Variants in DHX8 observed in about 807,000 individuals in gnomAD.
The protein encoded by DHX8 is ATP-dependent RNA helicase DHX8.
DHX8 carries 67 observed loss-of-function variants against 140.7 expected under a neutral mutation model. That is an observed-to-expected ratio of 0.48 (90% CI 0.39 to 0.58). The LOEUF is 0.58. Ranked by LOEUF, DHX8 falls within the 20% of genes least tolerant of loss-of-function variation. DHX8 has a pLI of 0.00. For missense variants in DHX8, 887 were observed against 1,550.7 expected (o/e 0.57, Z 7.19); for synonymous variants, 533 against 553.2 (o/e 0.96, Z 0.51).
chr17:43,491,543 C>G (rs1320811135), intron 4 of DHX8, among the ~76,000 whole-genome samples: 1 of 149,756 alleles, frequency 6.7e-6, no homozygotes, highest in South Asian at 2.1e-4. Flanking sequence ...TTTTTTTGCT[C>G]TGTTACTTGT....
chr17:43,495,856 T>G (rs916110138), intron 8 of DHX8, among the ~76,000 whole-genome samples: 5 of 152,124 alleles, frequency 3.3e-5, no homozygotes, highest in Non-Finnish European at 7.4e-5. Flanking sequence ...CTCAGCACTT[T>G]GGGAGGCCAA....
In DHX8 at chr17:43,536,976, G is replaced by A. The variant is rs371442036; in HGVS notation, c.*20+478G>A. On this transcript the variant is annotated intron_variant, in intron 3 of 3. Transcript: ENST00000589898. ...CATTTTTCTGAAGTGAAACAGCCTC[G>A]CCCCTCAGAGTTTACAAAACTCCCT... 6.6e-5 allele frequency among the ~76,000 whole-genome samples: 10 copies of A among 152,192 alleles called. No individual in the cohort carries two copies. In the East Asian group the frequency reaches 7.7e-4, roughly 12 times the overall value.
At chr17:43,532,735 G>A in intron 2 of DHX8, 1 of 1,613,986 alleles carries the variant, frequency 6.2e-7, no homozygotes, top group Non-Finnish European at 8.5e-7. Context: ...CTGGGTACCT[G>A]TGCCCATTGA....
At chr17:43,521,693 T>G in intron 21 of DHX8, 128 bp downstream of exon 21, 1 of 873,490 alleles carries the variant, frequency 1.1e-6, no homozygotes, top group Non-Finnish European at 1.8e-6. Context: ...ACCCTTTTCC[T>G]CCAGCTTTTC....
intron 11 of DHX8, among the ~76,000 whole-genome samples, chr17:43,503,379 C>A (rs1305409866): frequency 6.6e-6 from 1 of 152,068 alleles, no homozygotes; most frequent in African/African-American, 2.4e-5. Context: ...CACCTGTAAT[C>A]CCAGCTGCTA....
intron 8 of DHX8, among the ~76,000 whole-genome samples, chr17:43,495,474 G>T (rs969768284): frequency 6.6e-6 from 1 of 152,018 alleles, no homozygotes; most frequent in African/African-American, 2.4e-5. Flanking sequence ...AGACAGTCTT[G>T]CCGTGTTACC....
chr17:43,505,799 C>T (rs1048463229), intron 12 of DHX8, among the ~76,000 whole-genome samples: 2 of 151,930 alleles, frequency 1.3e-5, no homozygotes, highest in Admixed American at 6.6e-5. Context: ...TTAAGACCAC[C>T]GAGTCTTCCT....
intron 19 of DHX8, 134 bp downstream of exon 19, chr17:43,520,401 C>A: frequency 2.6e-6 from 3 of 1,146,292 alleles, no homozygotes; most frequent in Non-Finnish European, 3.6e-6. Flanking sequence ...TGTTTTTAAC[C>A]TGAATTTCTC....
intron 1 of DHX8, among the ~76,000 whole-genome samples, chr17:43,485,525 G>T (rs1230823194): frequency 6.6e-6 from 1 of 152,038 alleles, no homozygotes; most frequent in Non-Finnish European, 1.5e-5. Context: ...TTCTCTTTTA[G>T]TTGATAATGA....
At chr17:43,531,442 TG>T (rs1169378814), downstream of DHX8, among the ~76,000 whole-genome samples, 1 of 152,194 alleles carries the variant, frequency 6.6e-6, no homozygotes, top group African/African-American at 2.4e-5. Context: ...CCCTTGCCTC[TG>T]GCCAGGGCAT....
At chr17:43,520,964 CT>C (rs10672223) in intron 20 of DHX8, 85 bp downstream of exon 20, 52,134 of 394,060 alleles carry the variant, frequency 0.13, 1 homozygote, top group Middle Eastern at 0.16. Flanking sequence ...TTGATGTGGA[CT>C]TTTTTTTTTT....
At chr17:43,536,526 C>A (rs930938229) in intron 3 of DHX8, 1 of 1,574,066 alleles carries the variant, frequency 6.4e-7, no homozygotes, top group Non-Finnish European at 8.7e-7. Flanking sequence ...CCCTGGTTGT[C>A]CCCTGGGAGG....
chr17:43,515,036 T>C (rs933375514), intron 17 of DHX8, among the ~76,000 whole-genome samples: 1 of 152,176 alleles, frequency 6.6e-6, no homozygotes, highest in Non-Finnish European at 1.5e-5. Context: ...AGATTATTTA[T>C]GGGTGGTGCT....
chr17:43,541,479 A>G (rs1483761647), intron 3 of DHX8, among the ~76,000 whole-genome samples: 1 of 152,082 alleles, frequency 6.6e-6, no homozygotes, highest in Non-Finnish European at 1.5e-5. Context: ...GTGCCAAGAC[A>G]GCATAATGCC....
intron 3 of DHX8, chr17:43,536,520 G>A (rs751848803): frequency 6.3e-7 from 1 of 1,595,620 alleles, no homozygotes; most frequent in Non-Finnish European, 8.6e-7. Context: ...GCGGAGCCCT[G>A]GTTGTCCCCT....
chr17:43,493,730 A>C lies in DHX8; in HGVS notation c.1056A>C (p.Arg352=), dbSNP rs1968679275. The C allele has an allele frequency of 1.2e-5, 19 of 1,614,222 alleles. No individual in the cohort carries two copies. Among genetic ancestry groups the C allele is most frequent in the Non-Finnish European group, 1.6e-5 (19 of 1,180,048 alleles). ...TGEDLNPNRR[R]NLVGETNEET... Reference sequence around the variant, plus strand: ...AAGATCTAAACCCAAATAGACGGCGAAATCTTGTCGGGGAGACCAATGAGG... The same window carrying C: ...AAGATCTAAACCCAAATAGACGGCGCAATCTTGTCGGGGAGACCAATGAGG... Residue 352 remains arginine, a synonymous_variant, in exon 8 of 23, where the codon CGA becomes CGC. Coordinates refer to ENST00000262415, the MANE Select transcript of DHX8 (RefSeq NM_004941.3).
At chr17:43,505,277 C>T (rs1348693214) in intron 12 of DHX8, among the ~76,000 whole-genome samples, 1 of 152,052 alleles carries the variant, frequency 6.6e-6, no homozygotes, top group Admixed American at 6.6e-5. Context: ...GGCGTGGTGG[C>T]GCATGCCTAT....
At chr17:43,537,479 A>G (rs1971305165) in intron 3 of DHX8, among the ~76,000 whole-genome samples, 1 of 147,286 alleles carries the variant, frequency 6.8e-6, no homozygotes, top group Admixed American at 6.7e-5. Flanking sequence ...GGATCACTTG[A>G]GATCAGGAGT....
At chr17:43,511,140 G>A (rs1366574292) in intron 16 of DHX8, among the ~76,000 whole-genome samples, 1 of 152,070 alleles carries the variant, frequency 6.6e-6, no homozygotes, top group Non-Finnish European at 1.5e-5. Flanking sequence ...GACCAGCCTG[G>A]CTGATATGGT....
Sources: allele counts gnomAD v4.1 joint callset (sites outside exome capture counted in the v4.1 genomes callset), GRCh38; gene constraint gnomAD v4.1.1; transcripts MANE v1.5; gene names NCBI Gene and HGNC (gene_info 2026-07-23, HGNC 2026-07-21).